Variants in DSCAM observed in about 807,000 individuals in gnomAD.
The protein encoded by DSCAM is DS cell adhesion molecule, also known as cell adhesion molecule DSCAM.
A neutral mutation model predicts 217.7 loss-of-function variants in DSCAM; 47 were observed. The observed-to-expected ratio is 0.22, with a 90% CI of 0.17 to 0.28. DSCAM has a LOEUF of 0.28. Ranked by LOEUF, DSCAM falls within the 10% of genes least tolerant of loss-of-function variation. The probability of loss-of-function intolerance (pLI) is 1.00; values close to 1 mark genes in which losing one functional copy is unlikely to be tolerated. For synonymous variants in DSCAM, 1,056 were observed against 1,015.3 expected (o/e 1.04, Z -0.76); for missense variants, 2,080 against 2,618.3 (o/e 0.79, Z 4.49).
intron 4 of DSCAM, among the ~76,000 whole-genome samples, chr21:40,364,721 T>C (rs1482898742): frequency 6.8e-6 from 1 of 146,040 alleles, no homozygotes; most frequent in Admixed American, 6.9e-5. Context: ...CACACAGTAG[T>C]ATATATACAT....
At chr21:40,669,188 C>T (rs905220955) in intron 3 of DSCAM, among the ~76,000 whole-genome samples, 15 of 152,124 alleles carry the variant, frequency 9.9e-5, no homozygotes, top group Non-Finnish European at 1.5e-4. Flanking sequence ...CTCCACCTCT[C>T]AGTGGAGAGA....
intron 3 of DSCAM, among the ~76,000 whole-genome samples, chr21:40,640,912 G>A (rs1442642707): frequency 6.6e-6 from 1 of 152,102 alleles, no homozygotes. Context: ...CTTCTACGGT[G>A]TTTTACACAG....
At chr21:40,019,169 C>T (rs541331975) in intron 32 of DSCAM, among the ~76,000 whole-genome samples, 22 of 152,322 alleles carry the variant, frequency 1.4e-4, no homozygotes, top group African/African-American at 4.6e-4. Context: ...CTCCTATATG[C>T]TTAAGATGCC....
chr21:40,715,964 T>C (rs1047862402), intron 1 of DSCAM, among the ~76,000 whole-genome samples: 1 of 152,216 alleles, frequency 6.6e-6, no homozygotes, highest in Non-Finnish European at 1.5e-5. Context: ...ATTGCTTAAT[T>C]AAATGTATAG....
At chr21:40,074,573 C>T (rs2089337878) in intron 27 of DSCAM, among the ~76,000 whole-genome samples, 1 of 152,208 alleles carries the variant, frequency 6.6e-6, no homozygotes, top group African/African-American at 2.4e-5. Flanking sequence ...TGGGCTTCAG[C>T]TCCCGTTTCT....
At chr21:40,142,856 C>G (rs1270684040) in intron 17 of DSCAM, 152 bp from the exon 18 acceptor site, 9 of 875,514 alleles carry the variant, frequency 1.0e-5, no homozygotes, top group Non-Finnish European at 1.6e-5. Context: ...GATCACTTCC[C>G]TGGAAAAATC....
chr21:40,059,229 C>G (rs190505416), intron 28 of DSCAM, among the ~76,000 whole-genome samples: 1 of 152,138 alleles, frequency 6.6e-6, no homozygotes, highest in African/African-American at 2.4e-5. Flanking sequence ...TAATTTGAAC[C>G]TTTTTCTGCT....
At position 40,246,115 on chromosome 21, in the gene DSCAM, A is replaced by T. The variant is rs377699089; in HGVS notation, c.2356+29982T>A. Among the ~76,000 whole-genome samples, 15 of 151,984 alleles carry T rather than the reference A, an allele frequency of 9.9e-5. No individual in the cohort carries two copies. In the East Asian group the frequency reaches 1.4e-3, roughly 14 times the overall value. ...GGTGTTGCCTGAATCTAGACTCTCA[A>T]ATAAAAGCCAAAGGAGATTTTAAAA... On this transcript the variant is annotated intron_variant, in intron 11 of 32. Transcript: ENST00000400454.
rs1286263449 is a variant in DSCAM at position 40,618,690 on chromosome 21, G to T, written c.508+74120C>A. Reference sequence around the variant, plus strand: ...AAAAAAAAAAAGTGGAGAAACAAAAGAGGCTCTCCAAGCTTCCAGACTGTG... The same window carrying T: ...AAAAAAAAAAAGTGGAGAAACAAAATAGGCTCTCCAAGCTTCCAGACTGTG... On this transcript the variant is annotated intron_variant, in intron 3 of 32. Coordinates refer to ENST00000400454, the MANE Select transcript of DSCAM (RefSeq NM_001389.5). The T allele has an allele frequency of 2.7e-5, 4 of 149,918 alleles. No homozygotes were observed. In the East Asian group the frequency reaches 7.8e-4, roughly 29 times the overall value. The allele number at this position is 149,918 out of a possible 1,614,324, so 9.3% of individuals were successfully genotyped here.
chr21:40,476,115 G>A (rs1015815081), intron 3 of DSCAM, among the ~76,000 whole-genome samples: 31 of 151,900 alleles, frequency 2.0e-4, no homozygotes, highest in African/African-American at 1.5e-4. Flanking sequence ...CCCCATTTGG[G>A]TGCTTCACTC....
chr21:40,580,553 C>G (rs2076896905), intron 3 of DSCAM, among the ~76,000 whole-genome samples: 1 of 151,408 alleles, frequency 6.6e-6, no homozygotes, highest in Non-Finnish European at 1.5e-5. Flanking sequence ...AAAAACAAAA[C>G]AGACTACTGA....
chr21:40,705,129 G>A (rs542694711), intron 2 of DSCAM, among the ~76,000 whole-genome samples: 4 of 152,348 alleles, frequency 2.6e-5, no homozygotes, highest in African/African-American at 9.6e-5. Flanking sequence ...AACTAGTTGA[G>A]AGGAGGGCTC....
At chr21:40,297,972 T>C (rs1033703937) in intron 9 of DSCAM, among the ~76,000 whole-genome samples, 2 of 152,200 alleles carry the variant, frequency 1.3e-5, no homozygotes, top group African/African-American at 2.4e-5. Context: ...ATTTTAAGGA[T>C]TGTTAAGATG....
At chr21:40,554,191 T>C (rs1175682975) in intron 3 of DSCAM, among the ~76,000 whole-genome samples, 3 of 150,900 alleles carry the variant, frequency 2.0e-5, no homozygotes, top group Non-Finnish European at 4.4e-5. Context: ...TTGTTTTGAT[T>C]GTTAGTTTTT....
intron 16 of DSCAM, among the ~76,000 whole-genome samples, chr21:40,148,608 C>T (rs2090385628): frequency 6.6e-6 from 1 of 152,068 alleles, no homozygotes; most frequent in South Asian, 2.1e-4. Flanking sequence ...GCACCTCCAC[C>T]ATGATGACCA....
In DSCAM at chr21:40,448,834, T is replaced by A. The variant is rs138862933; in HGVS notation, c.509-79589A>T. 4.6e-3 allele frequency among the ~76,000 whole-genome samples: 703 copies of A among 152,298 alleles called. 5 individuals are homozygous for A. The highest frequency in any genetic ancestry group is 0.015 in the African/African-American group (636 of 41,558). On this transcript the variant is annotated intron_variant, in intron 3 of 32. Transcript: ENST00000400454. ...AAAGGCTAAATCTTGTTCATATTTA[T>A]TTTGTTTTCTTGTTGCTGCTATAAC...
chr21:40,770,260 CTCT>C (rs1469665427), intron 1 of DSCAM, among the ~76,000 whole-genome samples: 4 of 152,168 alleles, frequency 2.6e-5, no homozygotes, highest in Admixed American at 6.5e-5. Context: ...CTTTTAGTTT[CTCT>C]TCATTTTTAT....
At chr21:40,824,828 A>G (rs750566858) in intron 1 of DSCAM, among the ~76,000 whole-genome samples, 6 of 152,082 alleles carry the variant, frequency 3.9e-5, no homozygotes, top group Admixed American at 1.3e-4. Flanking sequence ...TCTCCTGCCA[A>G]TCTTTTCACT....
chr21:40,703,533 TAC>T (rs1229204696), intron 2 of DSCAM, among the ~76,000 whole-genome samples: 1 of 151,878 alleles, frequency 6.6e-6, no homozygotes, highest in Non-Finnish European at 1.5e-5. Flanking sequence ...AACACACATA[TAC>T]ACACATCCAC....
Sources: gnomAD v4.1 joint callset for allele counts (sites outside exome capture counted in the v4.1 genomes callset) on GRCh38, gnomAD v4.1.1 for gene constraint, MANE v1.5 for transcripts, NCBI Gene and HGNC (gene_info 2026-07-23, HGNC 2026-07-21) for gene names.